Variants in PPARGC1A observed in about 807,000 individuals in gnomAD.
PPARGC1A encodes PPARG coactivator 1 alpha, also known as peroxisome proliferator-activated receptor gamma coactivator 1-alpha.
In PPARGC1A, 25 loss-of-function variants were observed where a neutral mutation model predicts 88.7. The ratio of observed to expected loss-of-function variants is 0.28; its 90% confidence interval spans 0.21 to 0.39. PPARGC1A has a LOEUF of 0.39. Ranked by LOEUF, PPARGC1A falls within the 10% of genes least tolerant of loss-of-function variation. PPARGC1A has a pLI of 1.00. For synonymous variants in PPARGC1A, 363 were observed against 355.6 expected, an observed-to-expected ratio of 1.02 and a Z score of -0.24; for missense variants, 880 against 968.7, an observed-to-expected ratio of 0.91 and a Z score of 1.22.
chr4:23,842,146 T>C (rs1195935469), intron 2 of PPARGC1A, among the ~76,000 whole-genome samples: 4 of 152,136 alleles, frequency 2.6e-5, no homozygotes, highest in African/African-American at 9.7e-5. Flanking sequence ...CATGCATTTA[T>C]TGTCAGCTAA....
the PPARGC1A span, among the ~76,000 whole-genome samples, chr4:24,328,715 A>G: frequency 6.6e-6 from 1 of 151,994 alleles, no homozygotes; most frequent in South Asian, 2.1e-4. Context: ...TTTCCACCCC[A>G]CCCCATCCCA....
the PPARGC1A span, among the ~76,000 whole-genome samples, chr4:24,296,191 A>ATG: frequency 0.022 from 3,257 of 147,676 alleles, 119 homozygotes; most frequent in African/African-American, 0.077. Context: ...GTATGTGTGT[A>ATG]TGTGTGTGTG....
the PPARGC1A span, among the ~76,000 whole-genome samples, chr4:24,270,347 G>GTGTT: frequency 6.8e-6 from 1 of 146,074 alleles, no homozygotes; most frequent in Admixed American, 7.1e-5. Flanking sequence ...GTGTGTGTGT[G>GTGTT]TGTGTGTGTA....
At chr4:24,430,251 A>ATT in the PPARGC1A span, among the ~76,000 whole-genome samples, 35 of 131,728 alleles carry the variant, frequency 2.7e-4, no homozygotes, top group Middle Eastern at 3.8e-3. Context: ...GATATTTTGT[A>ATT]TTTCTTTTTT....
chr4:24,383,995 AAATAGAAGCCCATCAGACT>A, the PPARGC1A span, among the ~76,000 whole-genome samples: 5 of 152,324 alleles, frequency 3.3e-5, no homozygotes, highest in Non-Finnish European at 5.9e-5. Context: ...GGTTACCCAC[AAATAGAAGCCCATCAGACT>A]AACAGTGGAT....
the PPARGC1A span, among the ~76,000 whole-genome samples, chr4:24,419,521 G>A: frequency 6.7e-6 from 1 of 149,754 alleles, no homozygotes; most frequent in Non-Finnish European, 1.5e-5. Context: ...AGATGAAAAG[G>A]CTGCCCTCTC....
chr4:24,278,658 A>G, the PPARGC1A span, among the ~76,000 whole-genome samples: 2 of 151,132 alleles, frequency 1.3e-5, no homozygotes, highest in African/African-American at 2.4e-5. Context: ...CTTCACCCCA[A>G]CTCCTTCCCT....
the PPARGC1A span, among the ~76,000 whole-genome samples, chr4:24,035,245 A>T: frequency 4.6e-5 from 7 of 152,230 alleles, no homozygotes; most frequent in South Asian, 1.0e-3. Flanking sequence ...CAATTGTTTT[A>T]AAAAAAACTT....
chr4:23,934,299 G>A, the PPARGC1A span, among the ~76,000 whole-genome samples: 1 of 152,188 alleles, frequency 6.6e-6, no homozygotes, highest in African/African-American at 2.4e-5. Context: ...AGAGAGCTGT[G>A]GTAACAACAG....
At chr4:24,289,619 G>C in the PPARGC1A span, among the ~76,000 whole-genome samples, 1 of 152,132 alleles carries the variant, frequency 6.6e-6, no homozygotes, top group African/African-American at 2.4e-5. Flanking sequence ...TCTCACTAGT[G>C]ATTCCTCAAT....
At chr4:24,316,074 T>A in the PPARGC1A span, among the ~76,000 whole-genome samples, 1 of 152,224 alleles carries the variant, frequency 6.6e-6, no homozygotes, top group South Asian at 2.1e-4. Flanking sequence ...GGGTGACGGT[T>A]CTGCTCAATT....
chr4:24,116,588 A>G, the PPARGC1A span, among the ~76,000 whole-genome samples: 1 of 152,238 alleles, frequency 6.6e-6, no homozygotes, highest in Non-Finnish European at 1.5e-5. Flanking sequence ...CTAGAAGCTG[A>G]TTGTGAGCAC....
At chr4:23,827,201 C>T (rs1039095128) in intron 5 of PPARGC1A, among the ~76,000 whole-genome samples, 1 of 152,076 alleles carries the variant, frequency 6.6e-6, no homozygotes, top group African/African-American at 2.4e-5. Context: ...AGATATCTAC[C>T]AGGGAAAACC....
upstream of PPARGC1A, among the ~76,000 whole-genome samples, chr4:23,904,506 AAG>A (rs1300176683): frequency 6.6e-6 from 1 of 152,026 alleles, no homozygotes; most frequent in African/African-American, 2.4e-5. Flanking sequence ...ATTGACATTA[AAG>A]AGAGTGTAGA....
At chr4:24,396,379 C>T in the PPARGC1A span, among the ~76,000 whole-genome samples, 2 of 152,172 alleles carry the variant, frequency 1.3e-5, no homozygotes, top group African/African-American at 2.4e-5. Flanking sequence ...TCGCTTCCCC[C>T]AGTCTCTAAG....
chr4:24,417,477 G>C, the PPARGC1A span, among the ~76,000 whole-genome samples: 1 of 152,146 alleles, frequency 6.6e-6, no homozygotes, highest in Non-Finnish European at 1.5e-5. Flanking sequence ...GTTCTGCCTA[G>C]CAAGTAAATT....
chr4:23,834,784 T>C (rs996431198), intron 2 of PPARGC1A, among the ~76,000 whole-genome samples: 6 of 152,166 alleles, frequency 3.9e-5, no homozygotes, highest in African/African-American at 1.2e-4. Context: ...TATCCAAAGA[T>C]TTCAATAACT....
At chr4:23,934,085 T>A in the PPARGC1A span, among the ~76,000 whole-genome samples, 1 of 152,174 alleles carries the variant, frequency 6.6e-6, no homozygotes, top group East Asian at 1.9e-4. Flanking sequence ...CTCAAAGTTT[T>A]AAAGGAGCAC....
chr4:24,271,513 G>A, the PPARGC1A span, among the ~76,000 whole-genome samples: 3 of 152,210 alleles, frequency 2.0e-5, no homozygotes, highest in Non-Finnish European at 4.4e-5. Flanking sequence ...AAGTAGCTGG[G>A]ACTACAGGCG....
Sources: gnomAD v4.1 joint callset for allele counts (sites outside exome capture counted in the v4.1 genomes callset) on GRCh38, gnomAD v4.1.1 for gene constraint, MANE v1.5 for transcripts, NCBI Gene and HGNC (gene_info 2026-07-23, HGNC 2026-07-21) for gene names.